The following CD109 variants were observed in gnomAD, a reference collection of about 807,000 sequenced individuals.
The protein encoded by CD109 is CD109 antigen.
A neutral mutation model predicts 165.8 loss-of-function variants in CD109; 149 were observed. The ratio of observed to expected loss-of-function variants is 0.90; its 90% CI spans 0.79 to 1.03. The LOEUF is 1.03. CD109 is among the 50% of genes least tolerant of loss of function. The probability of loss-of-function intolerance (pLI) is 0.00; values close to 1 mark genes in which losing one functional copy is unlikely to be tolerated. For synonymous variants in CD109, 585 were observed against 592.1 expected (o/e 0.99, Z 0.18); for missense variants, 1,712 against 1,677.8 (o/e 1.02, Z -0.36).
rs1179036639 is a variant in CD109 at position 73,729,427 on chromosome 6, A to G, written c.277-917A>G. Among the ~76,000 whole-genome samples the G allele has an allele frequency of 3.3e-5, 5 of 151,744 alleles. No individual in the cohort carries two copies. In the East Asian group the frequency reaches 5.8e-4, roughly 18 times the overall value. On this transcript the variant is annotated intron_variant, in intron 3 of 32. Coordinates refer to ENST00000287097, the MANE Select transcript of CD109 (RefSeq NM_133493.5). ...AGGGATTGTTGTGAATTAAAATGATATAGTGCAGGTAAACTGCTCAGTATG... is the reference window on the plus strand; with the variant it reads ...AGGGATTGTTGTGAATTAAAATGATGTAGTGCAGGTAAACTGCTCAGTATG...
At chr6:73,704,670 A>C (rs778902223) in intron 2 of CD109, among the ~76,000 whole-genome samples, 1 of 152,162 alleles carries the variant, frequency 6.6e-6, no homozygotes, top group Non-Finnish European at 1.5e-5. Flanking sequence ...AGAGGGCTTT[A>C]TAATGCTGAA....
chr6:73,703,830 G>A (rs148526831), intron 2 of CD109, among the ~76,000 whole-genome samples: 214 of 152,260 alleles, frequency 1.4e-3, no homozygotes, highest in African/African-American at 4.7e-3. Flanking sequence ...TTGTTTCTCA[G>A]AGTCCAAATT....
chr6:73,737,132 A>G (rs1197784849), intron 5 of CD109, among the ~76,000 whole-genome samples: 1 of 152,262 alleles, frequency 6.6e-6, no homozygotes, highest in African/African-American at 2.4e-5. Context: ...TAACTGTTTT[A>G]TGTGATATAA....
rs45521532 is a variant in CD109, at chr6:73,771,426, T to C, written c.1675-3T>C. ...AGTTAATCCTCCTTTCTCTCTTTTT[T>C]AGATAAAGCTATATTGGAGTAAAGT... On this transcript the variant is annotated splice_region_variant and splice_polypyrimidine_tract_variant and intron_variant, in intron 14 of 32. Coordinates refer to ENST00000287097, the MANE Select transcript of CD109 (RefSeq NM_133493.5). 30,251 of 1,598,550 alleles carry C rather than the reference T, an allele frequency of 0.019. 352 individuals carry two copies. The highest frequency in any genetic ancestry group is 0.022 in the Non-Finnish European group (26,134 of 1,174,872).
At chr6:73,766,275 C>T (rs2150229328) in intron 11 of CD109, 121 bp downstream of exon 11, 2 of 771,620 alleles carry the variant, frequency 2.6e-6, no homozygotes, top group Non-Finnish European at 4.2e-6. Flanking sequence ...GTTTCTGTTT[C>T]ACAAAATGGA....
intron 22 of CD109, among the ~76,000 whole-genome samples, chr6:73,791,147 A>ATG (rs1774925580): frequency 2.9e-5 from 1 of 34,802 alleles, no homozygotes; most frequent in African/African-American, 1.2e-4. Context: ...ATATATATAT[A>ATG]TATATATATA....
the CD109 span, among the ~76,000 whole-genome samples, chr6:73,688,060 G>A: frequency 3.3e-5 from 5 of 152,184 alleles, no homozygotes; most frequent in Admixed American, 3.3e-4. Context: ...TCCCCAGATA[G>A]TACTTTGCTG....
At chr6:73,766,224 TCAAC>T in intron 11 of CD109, 70 bp downstream of exon 11, 1 of 1,209,818 alleles carries the variant, frequency 8.3e-7, no homozygotes, top group Non-Finnish European at 1.2e-6. Flanking sequence ...TGGTAGGCAC[TCAAC>T]CTGTCAGAAC....
chr6:73,703,614 C>T (rs1194386996), intron 2 of CD109, among the ~76,000 whole-genome samples: 1 of 152,104 alleles, frequency 6.6e-6, no homozygotes, highest in Admixed American at 6.6e-5. Context: ...AGCTTAAGAC[C>T]TAAGATATAT....
intron 15 of CD109, among the ~76,000 whole-genome samples, chr6:73,777,788 G>A (rs1024254132): frequency 2.0e-5 from 3 of 152,040 alleles, no homozygotes; most frequent in Non-Finnish European, 2.9e-5. Context: ...GTTTTTGTGT[G>A]AGTACCATGC....
In CD109 at chr6:73,823,745, T is replaced by C. The variant is rs1223076703; in HGVS notation, c.*112T>C. ...TTTTGAAAAAAGAGTTTTTTTTCTT[T>C]CTATGGGGTTGCAGGGATGGTGTAC... On this transcript the variant is annotated 3_prime_UTR_variant, in exon 33 of 33. Coordinates refer to ENST00000287097, the MANE Select transcript of CD109 (RefSeq NM_133493.5). The C allele has an allele frequency of 3.0e-6, 3 of 997,468 alleles. No individual in the cohort carries two copies. The East Asian group carries it at 7.3e-5, about 24-fold the overall frequency. 61.8% of individuals were successfully genotyped at this position (997,468 alleles called of 1,614,324 possible). A position where few individuals can be genotyped will look rare whatever the true frequency, so the allele number is the denominator to read the frequency against.
rs764652813 is a variant in CD109 at position 73,808,257 on chromosome 6, C to A, written c.3355+9C>A. ...GAGAGCAGAACAAGAAGGTAATGTG[C>A]TGGGCCCACTTGAGGTTGTTATGCT... On this transcript the variant is annotated intron_variant, in intron 26 of 32. Transcript: ENST00000287097. 15 of 1,603,872 alleles carry A rather than the reference C, an allele frequency of 9.4e-6. No homozygotes were observed. The Admixed American group carries it at 2.5e-4, about 26-fold the overall frequency.
rs377293578 is a variant in CD109 at position 73,742,271 on chromosome 6, T to C, written c.633+5763T>C. ...CAGCAGAATCATACAGGATCTCTTT[T>C]TGAGACTGGCTTTTTTCTCTTAGCA... On this transcript the variant is annotated intron_variant, in intron 5 of 32. Coordinates refer to ENST00000287097, the MANE Select transcript of CD109 (RefSeq NM_133493.5). Among the ~76,000 whole-genome samples, 10 of 152,142 alleles carry C rather than the reference T, an allele frequency of 6.6e-5. No individual in the cohort carries two copies. In the East Asian group the frequency reaches 1.2e-3, roughly 18 times the overall value.
intron 6 of CD109, 88 bp downstream of exon 6, chr6:73,756,770 G>T: frequency 1.1e-6 from 1 of 930,714 alleles, no homozygotes; most frequent in Non-Finnish European, 1.6e-6. Flanking sequence ...TGTATTATTT[G>T]AAGTAAAAAT....
At chr6:73,773,676 G>A (rs1169117858) in intron 15 of CD109, among the ~76,000 whole-genome samples, 2 of 151,980 alleles carry the variant, frequency 1.3e-5, no homozygotes, top group East Asian at 3.9e-4. Flanking sequence ...ATTCCTTTTG[G>A]TCTCTACCTC....
At chr6:73,787,003 T>C (rs879367848) in intron 20 of CD109, among the ~76,000 whole-genome samples, 1 of 150,880 alleles carries the variant, frequency 6.6e-6, no homozygotes, top group African/African-American at 2.4e-5. Flanking sequence ...GGACTAGAAA[T>C]GGGGCTGAAG....
chr6:73,729,335 AGT>A (rs142514181), intron 3 of CD109, among the ~76,000 whole-genome samples: 8,608 of 147,988 alleles, frequency 0.058, 291 homozygotes, highest in African/African-American at 0.095. Context: ...ACCACATCAA[AGT>A]GTGTGTGTGT....
At chr6:73,692,851 T>C (rs915198777), upstream of CD109, among the ~76,000 whole-genome samples, 1 of 152,186 alleles carries the variant, frequency 6.6e-6, no homozygotes, top group Non-Finnish European at 1.5e-5. Context: ...TTGCTCCACA[T>C]TCGCCTTCCA....
chr6:73,782,716 A>G lies in CD109; in HGVS notation c.2066A>G (p.His689Arg), dbSNP rs563656587. ...SLGSSPHVRK[H>R]FPETWIWLDT... The stretch of plus-strand genomic sequence containing the variant: ...GGTAGCAGTCCACATGTCCGAAAGC[A>G]TTTTCCAGAGACTTGGATTTGGCTA... Residue 689 changes from histidine to arginine, a missense_variant, in exon 18 of 33, where the codon CAT (histidine) becomes CGT (arginine). His to Arg is a conservative substitution (Grantham distance 29). Coordinates refer to ENST00000287097, the MANE Select transcript of CD109 (RefSeq NM_133493.5). 78 of 1,614,046 alleles carry G rather than the reference A, an allele frequency of 4.8e-5. No homozygotes were observed. In the East Asian group the frequency reaches 1.6e-3, roughly 34 times the overall value.
Sources: allele counts gnomAD v4.1 joint callset (sites outside exome capture counted in the v4.1 genomes callset), GRCh38; gene constraint gnomAD v4.1.1; transcripts MANE v1.5; gene names NCBI Gene and HGNC (gene_info 2026-07-23, HGNC 2026-07-21).